The following ADGRL2 variants were observed in gnomAD, a reference collection of about 807,000 sequenced individuals.
ADGRL2 encodes the protein calcium-independent alpha-latrotoxin receptor 2.
Under a neutral mutation model 157.4 loss-of-function variants are expected in ADGRL2, and 44 were observed. The observed-to-expected ratio is 0.28, with a 90% CI of 0.22 to 0.36. ADGRL2 has a LOEUF of 0.36. Among genes scored for constraint, ADGRL2 ranks in the 10% least tolerant of loss-of-function variants. The pLI is 1.00. For synonymous variants in ADGRL2, 585 were observed against 624.7 expected (o/e 0.94, Z 0.95); for missense variants, 1,510 against 1,768.9 (o/e 0.85, Z 2.63).
At chr1:81,971,563 G>A (rs1028973654) in intron 16 of ADGRL2, among the ~76,000 whole-genome samples, 6 of 152,134 alleles carry the variant, frequency 3.9e-5, no homozygotes, top group African/African-American at 1.2e-4. Flanking sequence ...AGGGAAGTCA[G>A]AAGTCTTAAG....
At chr1:81,335,252 C>A (rs1213615068) in intron 1 of ADGRL2, among the ~76,000 whole-genome samples, 3 of 151,984 alleles carry the variant, frequency 2.0e-5, no homozygotes, top group African/African-American at 7.2e-5. Flanking sequence ...TCACCTAATC[C>A]CCACACATAC....
chr1:81,884,274 C>T (rs781023203), intron 2 of ADGRL2, among the ~76,000 whole-genome samples: 1 of 152,162 alleles, frequency 6.6e-6, no homozygotes, highest in Non-Finnish European at 1.5e-5. Flanking sequence ...CGCGCCCATC[C>T]CAAACTGCCT....
chr1:81,760,720 A>T (rs1450070800), intron 1 of ADGRL2, among the ~76,000 whole-genome samples: 3 of 106,630 alleles, frequency 2.8e-5, no homozygotes, highest in Non-Finnish European at 5.4e-5. Context: ...GCTTAAAAAT[A>T]CTTTTTTTTT....
At chr1:81,687,979 G>T (rs1408280703) in intron 3 of ADGRL2, among the ~76,000 whole-genome samples, 2 of 152,136 alleles carry the variant, frequency 1.3e-5, no homozygotes, top group Non-Finnish European at 2.9e-5. Flanking sequence ...TTTGTTTGAG[G>T]AGGCTGAAGA....
rs145736705 is a variant in ADGRL2, at chr1:81,669,824, T to TC, written c.-143+88847dup. On this transcript the variant is annotated intron_variant, in intron 3 of 24. Transcript: ENST00000370721. ...CAGGCATGGTGGCTGGTGCCCGTAG[T>TC]CCCAGCTACTCAGGAGGCTGAGGCA... Among the ~76,000 whole-genome samples, 1,455 of 151,426 alleles carry TC rather than the reference T, an allele frequency of 9.6e-3. 30 individuals are homozygous for TC. The highest frequency in any genetic ancestry group is 0.034 in the African/African-American group (1,389 of 41,228).
chr1:81,932,724 A>G (rs1211191698), intron 3 of ADGRL2, among the ~76,000 whole-genome samples: 1 of 151,108 alleles, frequency 6.6e-6, no homozygotes, highest in Non-Finnish European at 1.5e-5. Flanking sequence ...ACGGAGTTTC[A>G]CTCTTGTTGC....
chr1:81,582,950 C>T lies in ADGRL2; in HGVS notation c.-143+1970C>T, dbSNP rs535410962. The stretch of plus-strand genomic sequence containing the variant: ...ACAACACACAACCCACTCTCTCCCA[C>T]ATCTGATTCATCCTATTTTGCTTCA... On this transcript the variant is annotated intron_variant, in intron 3 of 24. Coordinates refer to the ADGRL2 transcript ENST00000370721. 9.9e-5 allele frequency among the ~76,000 whole-genome samples: 15 copies of T among 152,252 alleles called. No individual in the cohort carries two copies. The South Asian group carries it at 2.9e-3, about 30-fold the overall frequency.
chr1:81,960,915 G>T (rs1194663038), intron 11 of ADGRL2, among the ~76,000 whole-genome samples: 4 of 152,206 alleles, frequency 2.6e-5, no homozygotes, highest in African/African-American at 9.6e-5. Context: ...TAATTGTTGA[G>T]GCTGGACTTC....
chr1:81,391,932 T>C (rs1051395294), intron 1 of ADGRL2, among the ~76,000 whole-genome samples: 2 of 152,212 alleles, frequency 1.3e-5, no homozygotes, highest in African/African-American at 2.4e-5. Context: ...TTACCTACTA[T>C]GTGCTTTATG....
intron 1 of ADGRL2, among the ~76,000 whole-genome samples, chr1:81,345,717 AAGAG>A (rs995646461): frequency 1.3e-5 from 2 of 152,302 alleles, no homozygotes; most frequent in Admixed American, 1.3e-4. Context: ...ATGAGAGAAA[AAGAG>A]AGAAAGAGAA....
At chr1:81,952,322 C>T (rs1652095747) in intron 9 of ADGRL2, among the ~76,000 whole-genome samples, 180 bp downstream of exon 9, 1 of 152,074 alleles carries the variant, frequency 6.6e-6, no homozygotes, top group African/African-American at 2.4e-5. Flanking sequence ...GTGCCCTGCC[C>T]TCCCAAAAGA....
At chr1:81,638,980 G>C (rs775718082) in intron 3 of ADGRL2, among the ~76,000 whole-genome samples, 1 of 152,194 alleles carries the variant, frequency 6.6e-6, no homozygotes, top group Non-Finnish European at 1.5e-5. Context: ...TTCAACTTGG[G>C]TGGCAGTGAG....
chr1:81,601,107 G>C (rs1262955647), intron 3 of ADGRL2, among the ~76,000 whole-genome samples: 1 of 152,150 alleles, frequency 6.6e-6, no homozygotes, highest in Non-Finnish European at 1.5e-5. Flanking sequence ...GTGCAGAGCT[G>C]AGCAGGATGA....
At chr1:81,413,502 T>C (rs1349708072) in intron 1 of ADGRL2, among the ~76,000 whole-genome samples, 1 of 152,152 alleles carries the variant, frequency 6.6e-6, no homozygotes, top group Non-Finnish European at 1.5e-5. Flanking sequence ...GCCCTTATGA[T>C]ATAGCTTATA....
chr1:81,492,571 G>A (rs1378567522), intron 2 of ADGRL2, among the ~76,000 whole-genome samples: 1 of 152,102 alleles, frequency 6.6e-6, no homozygotes, highest in Non-Finnish European at 1.5e-5. Context: ...ACATACTACA[G>A]TACTATGTGT....
intron 3 of ADGRL2, among the ~76,000 whole-genome samples, chr1:81,655,127 T>G (rs1398912729): frequency 6.6e-6 from 1 of 152,150 alleles, no homozygotes; most frequent in Non-Finnish European, 1.5e-5. Flanking sequence ...ACCTTCCAAG[T>G]GGCCAGGACT....
In ADGRL2 at chr1:81,517,089, A is replaced by C. The variant is rs2079195596; in HGVS notation, c.-247-63787A>C. ...TATTCTGCTACAAGTAACAACAAAA[A>C]AAGAGTAGCTTAAACTAATAATTCT... On this transcript the variant is annotated intron_variant, in intron 2 of 24. Coordinates refer to the ADGRL2 transcript ENST00000370721. Among the ~76,000 whole-genome samples the C allele has an allele frequency of 2.6e-5, 4 of 152,184 alleles. No individual in the cohort carries two copies. In the South Asian group the frequency reaches 8.3e-4, roughly 32 times the overall value.
chr1:81,892,705 GA>G lies in ADGRL2; in HGVS notation c.74-14309del, dbSNP rs772140944. 5.3e-4 allele frequency among the ~76,000 whole-genome samples: 80 copies of G among 152,160 alleles called. 1 individual carries two copies. Among genetic ancestry groups the G allele is most frequent in the Non-Finnish European group, 8.8e-4 (60 of 67,986 alleles). Reference sequence around the variant, plus strand: ...TTGTATAGATATTTATATAATGAGAGAAATGAATATCCAACACATTTATTGA... The same window carrying G: ...TTGTATAGATATTTATATAATGAGAGAATGAATATCCAACACATTTATTGA... On this transcript the variant is annotated intron_variant, in intron 2 of 23. Coordinates refer to ENST00000686636, the MANE Select transcript of ADGRL2 (RefSeq NM_001366006.2).
chr1:81,972,016 A>G, intron 17 of ADGRL2, 98 bp downstream of exon 17: 1 of 649,654 alleles, frequency 1.5e-6, no homozygotes, highest in Non-Finnish European at 2.6e-6. Flanking sequence ...ATCTATCTAT[A>G]CAAAGATTTA....
Sources: gnomAD v4.1 joint callset for allele counts (sites outside exome capture counted in the v4.1 genomes callset) on GRCh38, gnomAD v4.1.1 for gene constraint, MANE v1.5 for transcripts, NCBI Gene and HGNC (gene_info 2026-07-23, HGNC 2026-07-21) for gene names.